Variants in CFAP61 observed in about 807,000 individuals in gnomAD.
CFAP61 encodes the protein cilia and flagella associated protein 61.
A neutral mutation model predicts 135.6 loss-of-function variants in CFAP61; 107 were observed. That is an observed-to-expected ratio of 0.79 (90% CI 0.67 to 0.93). The LOEUF (loss-of-function observed/expected upper bound fraction) is 0.93. CFAP61 is among the 40% of genes least tolerant of loss of function. The pLI, the probability that CFAP61 is intolerant of heterozygous loss-of-function variation, is 0.00. For synonymous variants in CFAP61, 575 were observed against 578.5 expected (o/e 0.99, Z 0.09); for missense variants, 1,507 against 1,556.2 (o/e 0.97, Z 0.53).
intron 17 of CFAP61, among the ~76,000 whole-genome samples, chr20:20,216,992 C>CG (rs2048084693): frequency 6.6e-6 from 1 of 152,130 alleles, no homozygotes; most frequent in African/African-American, 2.4e-5. Context: ...TTCCTGTTGA[C>CG]GTTTCTGCTT....
intron 20 of CFAP61, among the ~76,000 whole-genome samples, chr20:20,260,703 A>G (rs899793604): frequency 2.2e-4 from 33 of 152,344 alleles, no homozygotes; most frequent in African/African-American, 7.9e-4. Flanking sequence ...TTGCCTAAAC[A>G]CCACTACTTG....
intron 15 of CFAP61, 134 bp downstream of exon 15, chr20:20,191,553 T>C (rs996401666): frequency 2.0e-5 from 12 of 589,772 alleles, no homozygotes; most frequent in Non-Finnish European, 3.3e-5. Context: ...GATATCATCA[T>C]CATCTGCCTC....
intron 18 of CFAP61, among the ~76,000 whole-genome samples, chr20:20,234,859 T>G (rs2049457617): frequency 6.6e-6 from 1 of 152,162 alleles, no homozygotes. Context: ...TCTCCTCACC[T>G]GTGCTGCAGG....
At chr20:20,125,929 T>C (rs1257716782) in intron 8 of CFAP61, among the ~76,000 whole-genome samples, 1 of 151,826 alleles carries the variant, frequency 6.6e-6, no homozygotes, top group Non-Finnish European at 1.5e-5. Context: ...GATTGTGATA[T>C]CTTCCTGCTG....
chr20:20,177,013 A>T (rs1432636098), intron 13 of CFAP61, among the ~76,000 whole-genome samples: 1 of 152,012 alleles, frequency 6.6e-6, no homozygotes, highest in African/African-American at 2.4e-5. Flanking sequence ...CAATTTTAGA[A>T]GTTTAAAGGC....
intron 8 of CFAP61, among the ~76,000 whole-genome samples, chr20:20,119,319 C>T (rs1013425477): frequency 1.3e-5 from 2 of 151,932 alleles, no homozygotes; most frequent in Admixed American, 6.6e-5. Context: ...TTGAAGTTTT[C>T]TATTTCTTTG....
chr20:20,217,158 T>G (rs1159038734), intron 17 of CFAP61, among the ~76,000 whole-genome samples: 1 of 152,248 alleles, frequency 6.6e-6, no homozygotes, highest in Non-Finnish European at 1.5e-5. Context: ...TCAGAAAGGC[T>G]TATTCTTTCA....
At chr20:20,249,642 G>A (rs1324277298) in intron 19 of CFAP61, among the ~76,000 whole-genome samples, 1 of 152,130 alleles carries the variant, frequency 6.6e-6, no homozygotes, top group African/African-American at 2.4e-5. Flanking sequence ...AAAAATCAGT[G>A]GTCCCCAGTG....
At chr20:20,166,832 A>C (rs1040923532) in intron 12 of CFAP61, among the ~76,000 whole-genome samples, 1 of 152,152 alleles carries the variant, frequency 6.6e-6, no homozygotes, top group Non-Finnish European at 1.5e-5. Flanking sequence ...GTTGATTTTG[A>C]GGTTGGCATT....
At chr20:20,129,552 C>T (rs1040178319) in intron 8 of CFAP61, among the ~76,000 whole-genome samples, 1 of 151,000 alleles carries the variant, frequency 6.6e-6, no homozygotes, top group Non-Finnish European at 1.5e-5. Flanking sequence ...ATTTGAGTCA[C>T]ATCTGTTTGA....
In CFAP61 at chr20:20,101,528, G is replaced by A. The variant is rs556718668; in HGVS notation, c.859+2714G>A. Among the ~76,000 whole-genome samples the A allele has an allele frequency of 1.4e-4, 21 of 152,274 alleles. No individual in the cohort carries two copies. In the South Asian group the frequency reaches 1.7e-3, roughly 12 times the overall value. On this transcript the variant is annotated intron_variant, in intron 8 of 26. Transcript: ENST00000245957. Reference sequence around the variant, plus strand: ...ATGATGATAGTCTTGGCAAGGTAACGTCTTATCTTGGATGGTTTTGACAGA... The same window carrying A: ...ATGATGATAGTCTTGGCAAGGTAACATCTTATCTTGGATGGTTTTGACAGA...
At chr20:20,304,711 C>T (rs534317718) in intron 25 of CFAP61, among the ~76,000 whole-genome samples, 3 of 152,084 alleles carry the variant, frequency 2.0e-5, no homozygotes, top group East Asian at 1.9e-4. Context: ...TTCAGGACAC[C>T]GGGCGCGAAA....
chr20:20,154,551 C>A (rs1274003070), intron 9 of CFAP61, among the ~76,000 whole-genome samples: 1 of 152,074 alleles, frequency 6.6e-6, no homozygotes, highest in African/African-American at 2.4e-5. Context: ...CTGCTATACA[C>A]CAACAGTGAC....
At chr20:20,208,988 T>C (rs1601410307) in intron 17 of CFAP61, among the ~76,000 whole-genome samples, 2 of 152,052 alleles carry the variant, frequency 1.3e-5, no homozygotes, top group Admixed American at 1.3e-4. Flanking sequence ...CTGGAAGAAA[T>C]CTTCAAAAAA....
At chr20:20,324,220 A>G (rs1247161425) in intron 25 of CFAP61, among the ~76,000 whole-genome samples, 1 of 152,196 alleles carries the variant, frequency 6.6e-6, no homozygotes, top group Non-Finnish European at 1.5e-5. Context: ...ATTAAGTAGG[A>G]AAGATAGAAA....
intron 9 of CFAP61, among the ~76,000 whole-genome samples, chr20:20,146,926 A>G (rs1214967868): frequency 6.6e-6 from 1 of 152,134 alleles, no homozygotes; most frequent in South Asian, 2.1e-4. Flanking sequence ...CAAGTCCCCA[A>G]AGTCCATTAT....
chr20:20,196,619 T>A lies in CFAP61; in HGVS notation c.1640T>A (p.Phe547Tyr), dbSNP rs1281821016. ...TACAACATTGAAGATTTCATCTACT[T>A]CAGTCACCACCAGCGCGAAGAACAC... The part of the protein sequence containing the change: ...SHYNIEDFIY[F>Y]SHHQREEHGH... The change falls in exon 16 of 27, where the codon TTC becomes TAC. Residue 547 changes from phenylalanine to tyrosine, a missense_variant. Phe to Tyr is a conservative substitution (Grantham distance 22). Coordinates refer to ENST00000245957, the MANE Select transcript of CFAP61 (RefSeq NM_015585.4). 1 of 1,614,198 alleles carries A rather than the reference T, an allele frequency of 6.2e-7. No homozygotes were observed. The highest frequency in any genetic ancestry group is 8.5e-7 in the Non-Finnish European group (1 of 1,180,032).
At chr20:20,054,021 T>TTG in intron 1 of CFAP61, among the ~76,000 whole-genome samples, 1 of 146,738 alleles carries the variant, frequency 6.8e-6, no homozygotes, top group South Asian at 2.1e-4. Context: ...TTGTTTTTTT[T>TTG]TTTTTTTTTT....
chr20:20,200,023 C>A, intron 17 of CFAP61, 121 bp downstream of exon 17: 6 of 1,168,140 alleles, frequency 5.1e-6, no homozygotes, highest in Non-Finnish European at 7.3e-6. Context: ...ACCTGGTGCT[C>A]ATACCCTTAC....
Sources: gnomAD v4.1 joint callset for allele counts (sites outside exome capture counted in the v4.1 genomes callset) on GRCh38, gnomAD v4.1.1 for gene constraint, MANE v1.5 for transcripts, NCBI Gene and HGNC (gene_info 2026-07-23, HGNC 2026-07-21) for gene names.